The following ASPH variants were observed in gnomAD, a reference collection of about 807,000 sequenced individuals.
The protein encoded by ASPH is aspartate beta-hydroxylase.
A neutral mutation model predicts 118.4 loss-of-function variants in ASPH; 100 were observed. The ratio of observed to expected loss-of-function variants is 0.84; its 90% CI spans 0.72 to 1.00. The LOEUF (loss-of-function observed/expected upper bound fraction) is 1.00. Among genes scored for constraint, ASPH ranks in the 50% least tolerant of loss-of-function variants. The pLI, the probability that ASPH is intolerant of heterozygous loss-of-function variation, is 0.00. For missense variants in ASPH, 920 were observed against 919.5 expected (o/e 1.00, Z -0.01); for synonymous variants, 315 against 325.6 (o/e 0.97, Z 0.35).
chr8:61,582,102 A>T (rs1247483460), intron 15 of ASPH, among the ~76,000 whole-genome samples: 1 of 152,200 alleles, frequency 6.6e-6, no homozygotes, highest in Non-Finnish European at 1.5e-5. Flanking sequence ...TAAAAGACTG[A>T]ATTATGTTGA....
At chr8:61,697,336 G>A (rs958352170) in intron 1 of ASPH, among the ~76,000 whole-genome samples, 3 of 152,110 alleles carry the variant, frequency 2.0e-5, no homozygotes, top group Non-Finnish European at 4.4e-5. Flanking sequence ...GCAGCCCCTG[G>A]TCACTAAAAC....
intron 16 of ASPH, among the ~76,000 whole-genome samples, chr8:61,570,121 C>G (rs963244546): frequency 1.3e-5 from 2 of 152,148 alleles, no homozygotes; most frequent in Non-Finnish European, 2.9e-5. Context: ...AGATAACCTA[C>G]TGAACATCAT....
rs373700254 is a variant in ASPH, at chr8:61,681,005, A to G, written c.285T>C (p.Asp95=). ...TGGCATCATCCACATCAAAATCTCCATCACCATCAGCATCATAGATTCCTA... is the reference window on the plus strand; with the variant it reads ...TGGCATCATCCACATCAAAATCTCCGTCACCATCAGCATCATAGATTCCTA... ...GKLGIYDADG[D]GDFDVDDAKV... is the part of the protein sequence containing the mutation. Residue 95 remains aspartate (D), a synonymous_variant, in exon 3 of 25, where the codon GAT becomes GAC. Coordinates refer to ENST00000379454, the MANE Select transcript of ASPH (RefSeq NM_004318.4). The G allele has an allele frequency of 6.2e-7, 1 of 1,605,990 alleles. No homozygotes were observed. Among genetic ancestry groups the G allele is most frequent in the Non-Finnish European group, 8.5e-7 (1 of 1,175,578 alleles).
chr8:61,508,025 AT>A (rs1406918498), intron 24 of ASPH, among the ~76,000 whole-genome samples: 1 of 151,170 alleles, frequency 6.6e-6, no homozygotes, highest in Non-Finnish European at 1.5e-5. Context: ...CTAACCCTTT[AT>A]TTTTTTCAAG....
At chr8:61,680,479 C>T (rs1827499145) in intron 3 of ASPH, 1 of 151,608 alleles carries the variant, frequency 6.6e-6, no homozygotes, top group South Asian at 2.1e-4. Flanking sequence ...GTCAAAAGAC[C>T]AGGAGTTCAT....
intron 1 of ASPH, among the ~76,000 whole-genome samples, chr8:61,700,024 C>G (rs1834858488): frequency 6.6e-6 from 1 of 152,214 alleles, no homozygotes; most frequent in South Asian, 2.1e-4. Context: ...AGCGTTTGTA[C>G]CATTTTGCCA....
intron 3 of ASPH, among the ~76,000 whole-genome samples, chr8:61,674,451 A>G (rs373934705): frequency 6.6e-6 from 1 of 152,254 alleles, no homozygotes; most frequent in African/African-American, 2.4e-5. Context: ...AGAATAAAAC[A>G]TATTTGCCCA....
intron 10 of ASPH, among the ~76,000 whole-genome samples, chr8:61,641,827 A>C (rs990322683): frequency 6.6e-6 from 1 of 152,170 alleles, no homozygotes; most frequent in Non-Finnish European, 1.5e-5. Flanking sequence ...CATATCCACC[A>C]ACTCAATTAC....
intron 14 of ASPH, among the ~76,000 whole-genome samples, chr8:61,611,349 ATTTTTTATGAG>A (rs1847299302): frequency 6.6e-6 from 1 of 152,168 alleles, no homozygotes; most frequent in Non-Finnish European, 1.5e-5. Flanking sequence ...AAACTGCAAC[ATTTTTTATGAG>A]TTAGCCTTGG....
intron 2 of ASPH, among the ~76,000 whole-genome samples, chr8:61,683,203 A>T (rs1828956654): frequency 6.6e-6 from 1 of 152,128 alleles, no homozygotes; most frequent in East Asian, 1.9e-4. Flanking sequence ...TTGGGTATTT[A>T]GGGGAAGGGG....
At chr8:61,616,444 C>T (rs1280224636) in intron 14 of ASPH, among the ~76,000 whole-genome samples, 2 of 152,236 alleles carry the variant, frequency 1.3e-5, no homozygotes, top group Non-Finnish European at 2.9e-5. Flanking sequence ...ACCATTCGGA[C>T]TCCCTGTCCC....
intron 10 of ASPH, among the ~76,000 whole-genome samples, chr8:61,642,496 G>C (rs1234849078): frequency 6.6e-6 from 1 of 152,200 alleles, no homozygotes; most frequent in African/African-American, 2.4e-5. Flanking sequence ...AAAGTTTATA[G>C]TTTAAAGCAT....
At chr8:61,674,150 G>A (rs1330869517) in intron 3 of ASPH, among the ~76,000 whole-genome samples, 3 of 152,264 alleles carry the variant, frequency 2.0e-5, no homozygotes, top group Middle Eastern at 3.4e-3. Flanking sequence ...GTAACAACAC[G>A]TTAACAAATA....
At chr8:61,556,125 G>A in intron 18 of ASPH, 103 bp from the exon 19 acceptor site, 2 of 922,446 alleles carry the variant, frequency 2.2e-6, no homozygotes, top group Non-Finnish European at 3.3e-6. Context: ...TAGCTTTGTT[G>A]TACTTGGATT....
At chr8:61,563,715 A>G (rs547308436) in intron 17 of ASPH, among the ~76,000 whole-genome samples, 1 of 152,330 alleles carries the variant, frequency 6.6e-6, no homozygotes, top group African/African-American at 2.4e-5. Context: ...CCAGAACCCT[A>G]GTCATTTCCT....
At chr8:61,509,379 C>T (rs1807921656) in intron 24 of ASPH, among the ~76,000 whole-genome samples, 2 of 152,206 alleles carry the variant, frequency 1.3e-5, no homozygotes, top group Non-Finnish European at 2.9e-5. Flanking sequence ...ATGGATTATT[C>T]ATGTCTCCCA....
intron 14 of ASPH, among the ~76,000 whole-genome samples, chr8:61,614,616 T>C (rs1234034524): frequency 6.6e-6 from 1 of 152,160 alleles, no homozygotes; most frequent in Non-Finnish European, 1.5e-5. Flanking sequence ...TACAGGCGCA[T>C]GCTACCATGC....
At chr8:61,696,688 T>G (rs868371544) in intron 1 of ASPH, among the ~76,000 whole-genome samples, 65 of 151,356 alleles carry the variant, frequency 4.3e-4, no homozygotes, top group African/African-American at 1.4e-3. Context: ...CTCTGAGCTA[T>G]TCAATTGTCC....
At chr8:61,712,973 T>TA (rs1274509460) in intron 1 of ASPH, among the ~76,000 whole-genome samples, 1 of 152,232 alleles carries the variant, frequency 6.6e-6, no homozygotes, top group Non-Finnish European at 1.5e-5. Context: ...TTAGGGATGT[T>TA]AAAAAAGAGT....
Sources: gnomAD v4.1 joint callset for allele counts (sites outside exome capture counted in the v4.1 genomes callset) on GRCh38, gnomAD v4.1.1 for gene constraint, MANE v1.5 for transcripts, NCBI Gene and HGNC (gene_info 2026-07-23, HGNC 2026-07-21) for gene names.